MSRB2: variants seen among roughly 807,000 people sequenced by gnomAD.
MSRB2 encodes the protein methionine sulfoxide reductase B2.
A neutral mutation model predicts 19.0 loss-of-function variants in MSRB2; 17 were observed. The ratio of observed to expected loss-of-function variants is 0.89; its 90% CI spans 0.61 to 1.34. The LOEUF (loss-of-function observed/expected upper bound fraction) is 1.34, where lower values mean the gene tolerates loss of function less well. Among genes scored for constraint, MSRB2 ranks in the 40% most tolerant of loss-of-function variants. MSRB2 has a pLI of 0.00. For missense variants in MSRB2, 208 were observed against 237.6 expected (o/e 0.88, Z 0.82); for synonymous variants, 107 against 99.7 (o/e 1.07, Z -0.44).
At chr10:23,099,910 CTT>C (rs973349660) in intron 1 of MSRB2, among the ~76,000 whole-genome samples, 1 of 152,226 alleles carries the variant, frequency 6.6e-6, no homozygotes, top group African/African-American at 2.4e-5. Flanking sequence ...GTCCCACTGA[CTT>C]TTAGCTCTTC....
intron 1 of MSRB2, among the ~76,000 whole-genome samples, chr10:23,100,346 T>G (rs1839914261): frequency 6.6e-6 from 1 of 152,162 alleles, no homozygotes; most frequent in South Asian, 2.1e-4. Context: ...CATTCTCTTT[T>G]TAAATCATTT....
intron 1 of MSRB2, among the ~76,000 whole-genome samples, chr10:23,096,579 G>A (rs893474855): frequency 6.6e-6 from 1 of 152,130 alleles, no homozygotes; most frequent in African/African-American, 2.4e-5. Context: ...GTTCATTGAA[G>A]ACATTCAGAG....
chr10:23,105,959 A>G (rs1389726928), intron 2 of MSRB2, among the ~76,000 whole-genome samples: 2 of 152,106 alleles, frequency 1.3e-5, no homozygotes, highest in Non-Finnish European at 2.9e-5. Flanking sequence ...GCACAAGGGA[A>G]CCACATGATA....
chr10:23,108,454 G>T lies in MSRB2; in HGVS notation c.220-1788G>T, dbSNP rs74786530. Among the ~76,000 whole-genome samples, 719 of 150,546 alleles carry T rather than the reference G, an allele frequency of 4.8e-3. 6 individuals carry two copies. The highest frequency in any genetic ancestry group is 0.016 in the African/African-American group (671 of 40,920). On this transcript the variant is annotated intron_variant, in intron 2 of 4. Coordinates refer to ENST00000376510, the MANE Select transcript of MSRB2 (RefSeq NM_012228.4). Reference sequence around the variant, plus strand: ...GCATGCATTCATCTTCAGCCCAGGTGGGAAGGATGGGAAACTTCCTCTTTT... The same window carrying T: ...GCATGCATTCATCTTCAGCCCAGGTTGGAAGGATGGGAAACTTCCTCTTTT...
chr10:23,110,421 T>C, intron 3 of MSRB2, 103 bp downstream of exon 3: 1 of 906,470 alleles, frequency 1.1e-6, no homozygotes, highest in South Asian at 1.5e-5. Flanking sequence ...ATAATACCCA[T>C]TTTGTTTTTT....
At chr10:23,096,831 T>C in intron 1 of MSRB2, among the ~76,000 whole-genome samples, 1 of 152,166 alleles carries the variant, frequency 6.6e-6, no homozygotes, top group South Asian at 2.1e-4. Context: ...CCACAGGTGA[T>C]AGAAACAGGT....
intron 3 of MSRB2, among the ~76,000 whole-genome samples, chr10:23,113,634 T>G (rs1157818768): frequency 2.0e-5 from 3 of 152,170 alleles, no homozygotes; most frequent in African/African-American, 7.2e-5. Flanking sequence ...TGTGACCTTA[T>G]TTGGAAATAG....
intron 3 of MSRB2, 67 bp downstream of exon 3, chr10:23,110,385 T>C (rs1236972173): frequency 7.8e-7 from 1 of 1,287,118 alleles, no homozygotes; most frequent in African/African-American, 1.5e-5. Flanking sequence ...TTTGTTTCAT[T>C]TGAGATCTTG....
intron 3 of MSRB2, among the ~76,000 whole-genome samples, chr10:23,110,676 A>G (rs569676347): frequency 6.6e-6 from 1 of 151,748 alleles, no homozygotes; most frequent in South Asian, 2.1e-4. Flanking sequence ...CCGTGATTAT[A>G]TTTGCTGGGC....
chr10:23,101,085 T>C (rs1839921697), intron 1 of MSRB2, among the ~76,000 whole-genome samples: 1 of 152,216 alleles, frequency 6.6e-6, no homozygotes, highest in Non-Finnish European at 1.5e-5. Context: ...TGGTGATTTA[T>C]CAGATTTTGG....
rs964823608 is a variant in MSRB2, at chr10:23,121,792, G to T, written c.*930G>T. On this transcript the variant is annotated 3_prime_UTR_variant, in exon 5 of 5. Transcript: ENST00000376510. ...AGCACTGAAGAGCAGGATTACGGAG[G>T]AGCTGTGCTCTGGGAGCATATATGG... The T allele has an allele frequency of 1.3e-5, 2 of 152,180 alleles. No individual in the cohort carries two copies. The highest frequency in any genetic ancestry group is 1.5e-5 in the Non-Finnish European group (1 of 68,034). The allele number at this position is 152,180 out of a possible 1,614,324, so 9.4% of individuals were successfully genotyped here.
At chr10:23,117,145 CA>C (rs2131633406) in intron 3 of MSRB2, among the ~76,000 whole-genome samples, 2 of 152,272 alleles carry the variant, frequency 1.3e-5, no homozygotes, top group South Asian at 4.1e-4. Context: ...GCTGAGGCTT[CA>C]AAAAATTAAA....
At chr10:23,109,616 CCTT>C (rs1840027982) in intron 2 of MSRB2, among the ~76,000 whole-genome samples, 1 of 152,100 alleles carries the variant, frequency 6.6e-6, no homozygotes, top group Admixed American at 6.5e-5. Context: ...TGACTTGTCT[CCTT>C]GTTCTCCTCT....
At chr10:23,096,225 C>T (rs981825954) in intron 1 of MSRB2, among the ~76,000 whole-genome samples, 1 of 152,154 alleles carries the variant, frequency 6.6e-6, no homozygotes, top group Non-Finnish European at 1.5e-5. Flanking sequence ...CTGCTGACTT[C>T]CCATAAATGT....
intron 1 of MSRB2, among the ~76,000 whole-genome samples, chr10:23,096,338 G>GTCTC (rs1235544329): frequency 3.2e-4 from 44 of 138,414 alleles, no homozygotes; most frequent in South Asian, 4.8e-4. Context: ...GTGTGTGTGT[G>GTCTC]TCTCTCTCTC....
intron 1 of MSRB2, 90 bp downstream of exon 1, chr10:23,095,816 G>A: frequency 2.3e-6 from 2 of 876,660 alleles, no homozygotes; most frequent in Non-Finnish European, 3.0e-6. Flanking sequence ...GCCGGTCCAG[G>A]CCGGGCGCTG....
At chr10:23,114,865 G>A (rs12219932) in intron 3 of MSRB2, among the ~76,000 whole-genome samples, 2 of 152,196 alleles carry the variant, frequency 1.3e-5, no homozygotes, top group Non-Finnish European at 2.9e-5. Flanking sequence ...CACTAGCTGA[G>A]CTTCCATTAA....
intron 3 of MSRB2, among the ~76,000 whole-genome samples, chr10:23,114,079 G>A (rs1840083725): frequency 6.6e-6 from 1 of 152,136 alleles, no homozygotes; most frequent in South Asian, 2.1e-4. Flanking sequence ...GCTGAACGTG[G>A]TGACTCATGC....
intron 1 of MSRB2, among the ~76,000 whole-genome samples, chr10:23,103,760 C>T (rs999149779): frequency 6.6e-6 from 1 of 152,142 alleles, no homozygotes; most frequent in African/African-American, 2.4e-5. Context: ...TGCCCAATGC[C>T]TCAACTACTT....
Sources: gnomAD v4.1 joint callset for allele counts (sites outside exome capture counted in the v4.1 genomes callset) on GRCh38, gnomAD v4.1.1 for gene constraint, MANE v1.5 for transcripts, NCBI Gene and HGNC (gene_info 2026-07-23, HGNC 2026-07-21) for gene names.